ANKRD42: variants seen among roughly 807,000 people sequenced by gnomAD.
ANKRD42 encodes ankyrin repeat domain-containing protein 42.
In ANKRD42, 43 loss-of-function variants were observed where a neutral mutation model predicts 51.5. The observed-to-expected ratio is 0.83, with a 90% CI of 0.65 to 1.08. The LOEUF (loss-of-function observed/expected upper bound fraction) is 1.08, where lower values mean the gene tolerates loss of function less well. ANKRD42 is among the 50% of genes least tolerant of loss of function. The pLI is 0.00. For synonymous variants in ANKRD42, 203 were observed against 213.0 expected (o/e 0.95, Z 0.41); for missense variants, 608 against 629.3 (o/e 0.97, Z 0.36).
chr11:83,251,069 C>G (rs1863666809), downstream of ANKRD42, among the ~76,000 whole-genome samples: 1 of 152,118 alleles, frequency 6.6e-6, no homozygotes, highest in Non-Finnish European at 1.5e-5. Flanking sequence ...ACCTACCTCA[C>G]CAACTTTATT....
chr11:83,206,649 C>T (rs1862087757), intron 3 of ANKRD42, among the ~76,000 whole-genome samples: 1 of 152,232 alleles, frequency 6.6e-6, no homozygotes, highest in Admixed American at 6.5e-5. Flanking sequence ...AAGGCACTAT[C>T]TATGCAGAAT....
chr11:83,255,827 C>G, intron 11 of ANKRD42: 2 of 1,511,400 alleles, frequency 1.3e-6, no homozygotes, highest in Non-Finnish European at 1.8e-6. Context: ...ATTTGACCCT[C>G]TTTTCCTTTG....
downstream of ANKRD42, among the ~76,000 whole-genome samples, chr11:83,263,699 G>C (rs1412264114): frequency 4.6e-5 from 7 of 152,330 alleles, no homozygotes; most frequent in African/African-American, 1.4e-4. Flanking sequence ...ACTAAGGAAA[G>C]AGGGCAATCT....
chr11:83,262,829 A>G (rs1158347008), downstream of ANKRD42, among the ~76,000 whole-genome samples: 11 of 152,144 alleles, frequency 7.2e-5, no homozygotes, highest in African/African-American at 2.7e-4. Flanking sequence ...TCTCTAAGAA[A>G]TATAGAGAAG....
chr11:83,206,287 G>T, intron 3 of ANKRD42, 122 bp downstream of exon 3: 1 of 751,716 alleles, frequency 1.3e-6, no homozygotes, highest in Non-Finnish European at 2.1e-6. Context: ...AGAACTTACT[G>T]GATTCCACAA....
chr11:83,225,653 G>A (rs555376408), intron 6 of ANKRD42, among the ~76,000 whole-genome samples: 19 of 151,518 alleles, frequency 1.3e-4, no homozygotes, highest in African/African-American at 4.1e-4. Context: ...GGTGGCTCAC[G>A]CCTATAATCC....
chr11:83,242,570 T>TTTTTTTTGTTTG (rs1863423560), intron 9 of ANKRD42, among the ~76,000 whole-genome samples: 1 of 141,614 alleles, frequency 7.1e-6, no homozygotes, highest in Non-Finnish European at 1.5e-5. Context: ...TAGTTAAGTT[T>TTTTTTTTGTTTG]TTTTTTTTTT....
downstream of ANKRD42, among the ~76,000 whole-genome samples, chr11:83,252,760 A>T (rs1863697102): frequency 6.6e-6 from 1 of 152,000 alleles, no homozygotes; most frequent in South Asian, 2.1e-4. Context: ...AAAATTCATC[A>T]AGCTGTACCT....
At chr11:83,237,110 G>C (rs1314004900) in intron 8 of ANKRD42, among the ~76,000 whole-genome samples, 1 of 152,168 alleles carries the variant, frequency 6.6e-6, no homozygotes, top group Non-Finnish European at 1.5e-5. Context: ...CATGTTCCAA[G>C]TTCTGTGATT....
At chr11:83,204,218 C>G (rs1861983025) in intron 2 of ANKRD42, among the ~76,000 whole-genome samples, 1 of 152,160 alleles carries the variant, frequency 6.6e-6, no homozygotes, top group Non-Finnish European at 1.5e-5. Flanking sequence ...GCTGAGATTA[C>G]AGACATGAAC....
At chr11:83,245,943 A>T (rs1282208075) in intron 10 of ANKRD42, among the ~76,000 whole-genome samples, 6 of 152,218 alleles carry the variant, frequency 3.9e-5, no homozygotes, top group African/African-American at 1.4e-4. Context: ...GAACATTTTC[A>T]TCAGGCTACA....
intron 5 of ANKRD42, among the ~76,000 whole-genome samples, chr11:83,218,368 A>G (rs937331212): frequency 3.9e-5 from 6 of 152,256 alleles, no homozygotes; most frequent in East Asian, 3.9e-4. Context: ...TCGATCATTT[A>G]CCTGGCTGAG....
rs551308618 is a variant in ANKRD42 at position 83,194,065 on chromosome 11, G to A, written c.-606G>A. The A allele has an allele frequency of 2.5e-4, 114 of 456,500 alleles. No individual in the cohort carries two copies. Among genetic ancestry groups the A allele is most frequent in the Admixed American group, 5.9e-4 (25 of 42,582 alleles). 28.3% of individuals were successfully genotyped at this position (456,500 alleles called of 1,614,324 possible). On this transcript the variant is annotated 5_prime_UTR_variant, in exon 1 of 11. Transcript: ENST00000533342. ...TGAAAACCTCGGCCACTGCCGCAGC[G>A]TCTCTAGGGAGAGAGTTAGGGGAGA...
At chr11:83,209,592 A>G in intron 3 of ANKRD42, 1 of 897,838 alleles carries the variant, frequency 1.1e-6, no homozygotes, top group Non-Finnish European at 1.9e-6. Context: ...CCAGAACCTC[A>G]CATATTGCTG....
At position 83,225,009 on chromosome 11, in the gene ANKRD42, T is replaced by C; in HGVS notation, c.741T>C (p.Phe247=). 6.2e-7 allele frequency: 1 copy of C among 1,613,100 alleles called. No individual in the cohort carries two copies. The highest frequency in any genetic ancestry group is 8.5e-7 in the Non-Finnish European group (1 of 1,179,378). Residue 247 remains phenylalanine (F), a synonymous_variant, in exon 6 of 11, where the codon TTT becomes TTC. Coordinates refer to ENST00000533342, the MANE Select transcript of ANKRD42 (RefSeq NM_001300975.2). The part of the protein sequence containing the change: ...QRFFKQNILQ[F]IQGAEYEGKD... ...TCTTCAAGCAGAACATTTTACAGTTTATCCAGGGGGCTGAGTATGAAGGAA... is the reference window on the plus strand; with the variant it reads ...TCTTCAAGCAGAACATTTTACAGTTCATCCAGGGGGCTGAGTATGAAGGAA...
At chr11:83,224,765 C>T in intron 5 of ANKRD42, 90 bp from the exon 6 acceptor site, 3 of 1,089,420 alleles carry the variant, frequency 2.8e-6, no homozygotes, top group Non-Finnish European at 3.7e-6. Flanking sequence ...GCCTGGGTTA[C>T]AGAGCAAGAT....
intron 2 of ANKRD42, among the ~76,000 whole-genome samples, chr11:83,202,584 A>T (rs967309478): frequency 2.6e-4 from 39 of 152,182 alleles, no homozygotes; most frequent in African/African-American, 8.9e-4. Flanking sequence ...TTTGGGCAGT[A>T]TGCACATGCT....
chr11:83,223,117 G>A (rs953365488), intron 5 of ANKRD42, among the ~76,000 whole-genome samples: 2 of 152,134 alleles, frequency 1.3e-5, no homozygotes, highest in Non-Finnish European at 2.9e-5. Flanking sequence ...GGGCGTAGTG[G>A]CACACACCTG....
In ANKRD42 at chr11:83,248,743, A is replaced by G. The variant is rs1863616498; in HGVS notation, c.*539A>G. Reference sequence around the variant, plus strand: ...TAAAATAATAAAACATGTTTGTTGTATAGTGTTAAAAACAAGATAGATGTT... The same window carrying G: ...TAAAATAATAAAACATGTTTGTTGTGTAGTGTTAAAAACAAGATAGATGTT... On this transcript the variant is annotated 3_prime_UTR_variant, in exon 11 of 11. Coordinates refer to ENST00000533342, the MANE Select transcript of ANKRD42 (RefSeq NM_001300975.2). 1 of 975,736 alleles carries G rather than the reference A, an allele frequency of 1.0e-6. No individual in the cohort carries two copies. Among genetic ancestry groups the G allele is most frequent in the African/African-American group, 1.8e-5 (1 of 57,098 alleles). The allele number at this position is 975,736 out of a possible 1,614,324, so 60.4% of individuals were successfully genotyped here. A position where few individuals can be genotyped will look rare whatever the true frequency, so the allele number is the denominator to read the frequency against.
Sources: gnomAD v4.1 joint callset for allele counts (sites outside exome capture counted in the v4.1 genomes callset) on GRCh38, gnomAD v4.1.1 for gene constraint, MANE v1.5 for transcripts, NCBI Gene and HGNC (gene_info 2026-07-23, HGNC 2026-07-21) for gene names.